Variants in DEGS1 observed in about 807,000 individuals in gnomAD.
The protein encoded by DEGS1 is delta 4-desaturase, sphingolipid 1, also known as sphingolipid delta(4)-desaturase DES1.
A neutral mutation model predicts 24.1 loss-of-function variants in DEGS1; 17 were observed. That is an observed-to-expected ratio of 0.70 (90% CI 0.48 to 1.06). The LOEUF (loss-of-function observed/expected upper bound fraction) is 1.06. DEGS1 is among the 50% of genes least tolerant of loss of function. The probability of loss-of-function intolerance (pLI) is 0.00; values close to 1 mark genes in which losing one functional copy is unlikely to be tolerated. For missense variants in DEGS1, 366 were observed against 408.9 expected (o/e 0.90, Z 0.91); for synonymous variants, 134 against 140.0 (o/e 0.96, Z 0.30).
At position 224,189,893 on chromosome 1, in the gene DEGS1, G is replaced by T; in HGVS notation, c.399G>T (p.Arg133=). 1 of 1,614,146 alleles carries T rather than the reference G, an allele frequency of 6.2e-7. No individual in the cohort carries two copies. Among genetic ancestry groups the T allele is most frequent in the Non-Finnish European group, 8.5e-7 (1 of 1,180,026 alleles). Residue 133 remains arginine (R), a synonymous_variant, in exon 2 of 3, where the codon CGG becomes CGT. Coordinates refer to ENST00000323699, the MANE Select transcript of DEGS1 (RefSeq NM_003676.4). ...AGAGGTATCACATGGATCATCATCG[G>T]TACCTTGGAGCTGATGGCGTCGATG... is the stretch of plus-strand genomic sequence containing the variant. ...SFKRYHMDHH[R]YLGADGVDVD...
In DEGS1 at chr1:224,192,632, T is replaced by TAAAC. The variant is rs993198692; in HGVS notation, c.*156_*159dup. 2.3e-5 allele frequency: 16 copies of TAAAC among 683,856 alleles called. No homozygotes were observed. In the African/African-American group the frequency reaches 2.6e-4, roughly 11 times the overall value. The allele number at this position is 683,856 out of a possible 1,614,324, so 42.4% of individuals were successfully genotyped here. On this transcript the variant is annotated 3_prime_UTR_variant, in exon 3 of 3. Coordinates refer to ENST00000323699, the MANE Select transcript of DEGS1 (RefSeq NM_003676.4). ...GATACCAAGAAGTGAATCTGGCTTT[T>TAAAC]AAACAGTCAGCCTGACTCTGTACTG...
At chr1:224,191,544 A>G (rs1464220766) in intron 2 of DEGS1, among the ~76,000 whole-genome samples, 1 of 151,634 alleles carries the variant, frequency 6.6e-6, no homozygotes, top group Non-Finnish European at 1.5e-5. Flanking sequence ...TTGAGATGAA[A>G]AGACATTTTT....
In DEGS1 at chr1:224,191,735, C is replaced by T. The variant is rs367649236; in HGVS notation, c.826-597C>T. Among the ~76,000 whole-genome samples, 10 of 151,302 alleles carry T rather than the reference C, an allele frequency of 6.6e-5. No individual in the cohort carries two copies. The East Asian group carries it at 1.2e-3, about 18-fold the overall frequency. On this transcript the variant is annotated intron_variant, in intron 2 of 2. Coordinates refer to ENST00000323699, the MANE Select transcript of DEGS1 (RefSeq NM_003676.4). ...TCAGCCTCCTGAGTTGCTGGGACTA[C>T]AGGCGCACGCCACCATGTCTGGCTA...
chr1:224,187,619 T>C lies in DEGS1; in HGVS notation c.83-1958T>C, dbSNP rs561476655. 1.1e-4 allele frequency among the ~76,000 whole-genome samples: 16 copies of C among 152,284 alleles called. No individual in the cohort carries two copies. The East Asian group carries it at 2.7e-3, about 26-fold the overall frequency. Reference sequence around the variant, plus strand: ...GTCTTTGTGCCTCAGCCTCCCAAAGTGCTGGATTAATGGTGTGAGCCACAG... The same window carrying C: ...GTCTTTGTGCCTCAGCCTCCCAAAGCGCTGGATTAATGGTGTGAGCCACAG... On this transcript the variant is annotated intron_variant, in intron 1 of 2. Coordinates refer to ENST00000323699, the MANE Select transcript of DEGS1 (RefSeq NM_003676.4).
At position 224,190,052 on chromosome 1, in the gene DEGS1, A is replaced by G. The variant is rs1281982841; in HGVS notation, c.558A>G (p.Glu186=). The change falls in exon 2 of 3, where the codon GAA becomes GAG. Residue 186 remains glutamate, a synonymous_variant. Transcript: ENST00000323699. ...ACCCCAAACCAATTACGTATCTGGA[A>G]GTTATCAATACCGTGGCACAGGTCA... ...FINPKPITYL[E]VINTVAQVTF... 1 of 1,614,114 alleles carries G rather than the reference A, an allele frequency of 6.2e-7. No individual in the cohort carries two copies. Among genetic ancestry groups the G allele is most frequent in the Non-Finnish European group, 8.5e-7 (1 of 1,180,058 alleles).
chr1:224,191,743 C>T (rs543758800), intron 2 of DEGS1, among the ~76,000 whole-genome samples: 3 of 151,740 alleles, frequency 2.0e-5, no homozygotes, highest in South Asian at 2.1e-4. Context: ...TACAGGCGCA[C>T]GCCACCATGT....
intron 1 of DEGS1, 65 bp downstream of exon 1, chr1:224,183,483 C>T (rs1346801319): frequency 4.1e-6 from 5 of 1,206,406 alleles, no homozygotes; most frequent in Non-Finnish European, 4.2e-6. Context: ...CGCGCTCTCC[C>T]CTCGCGGGCC....
At chr1:224,192,238 C>T in intron 2 of DEGS1, 94 bp from the exon 3 acceptor site, 2 of 1,076,656 alleles carry the variant, frequency 1.9e-6, no homozygotes, top group Non-Finnish European at 2.6e-6. Flanking sequence ...CTCATGGTTT[C>T]CCTTCTCAGT....
At chr1:224,188,598 C>T (rs572542244) in intron 1 of DEGS1, among the ~76,000 whole-genome samples, 5 of 152,240 alleles carry the variant, frequency 3.3e-5, no homozygotes, top group African/African-American at 9.6e-5. Flanking sequence ...TAATGACTAA[C>T]GGTGTTGAGC....
At position 224,183,256 on chromosome 1, in the gene DEGS1, A is replaced by AGCCGCCGCCGCC; in HGVS notation, c.-74_-63dup. ...CCGGCCGACACCACACCAGCCGGGG[A>AGCCGCCGCCGCC]GCCGCCGCCGCCGCCGCCACCTCTG... On this transcript the variant is annotated 5_prime_UTR_variant, in exon 1 of 3. Coordinates refer to ENST00000323699, the MANE Select transcript of DEGS1 (RefSeq NM_003676.4). 7.7e-7 allele frequency: 1 copy of AGCCGCCGCCGCC among 1,295,872 alleles called. No homozygotes were observed. Among genetic ancestry groups the AGCCGCCGCCGCC allele is most frequent in the East Asian group, 3.2e-5 (1 of 31,502 alleles). The allele number at this position is 1,295,872 out of a possible 1,614,324, so 80.3% of individuals were successfully genotyped here.
rs1355622811 is a variant in DEGS1, at chr1:224,191,375, G to C, written c.826-957G>C. Among the ~76,000 whole-genome samples the C allele has an allele frequency of 1.4e-4, 21 of 148,824 alleles. No individual in the cohort carries two copies. In the Admixed American group the frequency reaches 1.4e-3, roughly 10 times the overall value. On this transcript the variant is annotated intron_variant, in intron 2 of 2. Coordinates refer to ENST00000323699, the MANE Select transcript of DEGS1 (RefSeq NM_003676.4). The stretch of plus-strand genomic sequence containing the variant: ...ACTGCACTCCAGCCTGGGTGACAGA[G>C]CGAAACTCCGTCTCAAAAAAAAAAA...
At chr1:224,187,952 T>TA (rs904581072) in intron 1 of DEGS1, among the ~76,000 whole-genome samples, 1 of 105,658 alleles carries the variant, frequency 9.5e-6, no homozygotes, top group East Asian at 2.4e-4. Context: ...TAGCATAATA[T>TA]AAATTTTTTT....
chr1:224,193,060 A>C lies in DEGS1; in HGVS notation c.*582A>C, dbSNP rs1159822864. 1 of 152,180 alleles carries C rather than the reference A, an allele frequency of 6.6e-6. No individual in the cohort carries two copies. The highest frequency in any genetic ancestry group is 1.5e-5 in the Non-Finnish European group (1 of 68,030). The allele number at this position is 152,180 out of a possible 1,614,324, so 9.4% of individuals were successfully genotyped here. On this transcript the variant is annotated 3_prime_UTR_variant, in exon 3 of 3. Transcript: ENST00000323699. Reference sequence around the variant, plus strand: ...GGGCAACAGAGCAAGACCCCATCTCAAAAATAAATAAATATATATAAAAAA... The same window carrying C: ...GGGCAACAGAGCAAGACCCCATCTCCAAAATAAATAAATATATATAAAAAA...
chr1:224,192,174 AGCTGCT>A, intron 2 of DEGS1, among the ~76,000 whole-genome samples, 152 bp from the exon 3 acceptor site: 1 of 150,286 alleles, frequency 6.7e-6, no homozygotes, highest in Non-Finnish European at 1.5e-5. Flanking sequence ...GAATTCCCAC[AGCTGCT>A]GCTGCTGCTG....
At chr1:224,184,835 C>G (rs887817195) in intron 1 of DEGS1, among the ~76,000 whole-genome samples, 1 of 152,012 alleles carries the variant, frequency 6.6e-6, no homozygotes, top group South Asian at 2.1e-4. Context: ...GCTTTTTAAC[C>G]TCTGTTGAGG....
At chr1:224,189,520 A>C in intron 1 of DEGS1, 57 bp from the exon 2 acceptor site, 1 of 1,294,576 alleles carries the variant, frequency 7.7e-7, no homozygotes, top group Non-Finnish European at 1.1e-6. Flanking sequence ...TTTAATTATA[A>C]TTGGTGAACT....
intron 1 of DEGS1, among the ~76,000 whole-genome samples, chr1:224,188,614 T>C (rs1180891826): frequency 1.9e-4 from 29 of 152,224 alleles, no homozygotes; most frequent in Admixed American, 1.9e-3. Flanking sequence ...TGAGCCTCTT[T>C]CATGTGTTTC....
chr1:224,185,024 A>AATAG (rs1658343903), intron 1 of DEGS1, among the ~76,000 whole-genome samples: 1 of 72,408 alleles, frequency 1.4e-5, no homozygotes, highest in East Asian at 3.3e-4. Flanking sequence ...AAATTGAGGA[A>AATAG]ACGGTGAGTT....
Position 224,183,297 on chromosome 1 carries a change from G to A in DEGS1, c.-40G>A. The A allele has an allele frequency of 1.4e-6, 2 of 1,465,008 alleles. No individual in the cohort carries two copies. Among genetic ancestry groups the A allele is most frequent in the Non-Finnish European group, 1.8e-6 (2 of 1,104,276 alleles). The allele number at this position is 1,465,008 out of a possible 1,614,324, so 90.8% of individuals were successfully genotyped here. ...GCCACCTCTGAGCAGCCGGCTGGGA[G>A]CGAGAGCCGACAGCTAGTCTGCAAG... On this transcript the variant is annotated 5_prime_UTR_variant, in exon 1 of 3. Transcript: ENST00000323699.
Sources: allele counts gnomAD v4.1 joint callset (sites outside exome capture counted in the v4.1 genomes callset), GRCh38; gene constraint gnomAD v4.1.1; transcripts MANE v1.5; gene names NCBI Gene and HGNC (gene_info 2026-07-23, HGNC 2026-07-21).